The following GPC6 variants were observed in gnomAD, a reference collection of about 807,000 sequenced individuals.
GPC6 encodes glypican 6.
GPC6 carries 14 observed loss-of-function variants against 55.2 expected under a neutral mutation model. The observed-to-expected ratio is 0.25, with a 90% CI of 0.17 to 0.40. The LOEUF (loss-of-function observed/expected upper bound fraction) is 0.40. Ranked by LOEUF, GPC6 falls within the 10% of genes least tolerant of loss-of-function variation. The pLI is 1.00. For synonymous variants in GPC6, 278 were observed against 259.6 expected, an observed-to-expected ratio of 1.07 and a Z score of -0.68; for missense variants, 641 against 708.5, an observed-to-expected ratio of 0.90 and a Z score of 1.08.
At chr13:93,543,386 G>T (rs1270217339) in intron 1 of GPC6, among the ~76,000 whole-genome samples, 1 of 152,032 alleles carries the variant, frequency 6.6e-6, no homozygotes, top group Non-Finnish European at 1.5e-5. Context: ...ACTTGATCAT[G>T]GTGGATAAGC....
intron 3 of GPC6, among the ~76,000 whole-genome samples, chr13:93,853,168 G>A (rs1888470030): frequency 6.6e-6 from 1 of 151,420 alleles, no homozygotes; most frequent in Admixed American, 6.6e-5. Flanking sequence ...TAAATGGTGG[G>A]GATAATTTTA....
intron 4 of GPC6, among the ~76,000 whole-genome samples, chr13:94,203,128 T>C (rs1180327949): frequency 1.5e-5 from 2 of 130,918 alleles, no homozygotes. Flanking sequence ...TTATAGTGAG[T>C]CTTATATTTA....
chr13:94,350,059 C>CATAT (rs774339689), intron 6 of GPC6, among the ~76,000 whole-genome samples: 1 of 139,254 alleles, frequency 7.2e-6, no homozygotes, highest in African/African-American at 2.8e-5. Context: ...TATATATATA[C>CATAT]ATATATATAT....
intron 6 of GPC6, among the ~76,000 whole-genome samples, chr13:94,360,341 T>TTGAG (rs2139179697): frequency 6.6e-6 from 1 of 152,244 alleles, no homozygotes. Context: ...TGATAGATGA[T>TTGAG]TGATTGATTG....
chr13:94,255,274 C>A (rs1214186025), intron 4 of GPC6, among the ~76,000 whole-genome samples: 1 of 152,080 alleles, frequency 6.6e-6, no homozygotes, highest in East Asian at 1.9e-4. Flanking sequence ...GTGATCAAAC[C>A]AAATCATGCA....
intron 6 of GPC6, among the ~76,000 whole-genome samples, chr13:94,314,182 T>C (rs1387489908): frequency 6.6e-6 from 1 of 152,200 alleles, no homozygotes; most frequent in African/African-American, 2.4e-5. Context: ...GTACATAGTA[T>C]AGAGGCTCAT....
intron 2 of GPC6, among the ~76,000 whole-genome samples, chr13:93,814,675 A>G (rs967584137): frequency 2.0e-5 from 3 of 152,232 alleles, no homozygotes; most frequent in Admixed American, 6.5e-5. Context: ...TGATCTGTCA[A>G]GTGACCCATG....
At chr13:93,239,521 T>C (rs941532977) in intron 1 of GPC6, among the ~76,000 whole-genome samples, 1 of 151,928 alleles carries the variant, frequency 6.6e-6, no homozygotes, top group Non-Finnish European at 1.5e-5. Context: ...ATTTGAATCT[T>C]CTCTATTGTT....
chr13:93,687,223 C>T (rs527636148), intron 2 of GPC6, among the ~76,000 whole-genome samples: 1 of 151,944 alleles, frequency 6.6e-6, no homozygotes, highest in Non-Finnish European at 1.5e-5. Context: ...TGTTTTCTTA[C>T]AGAATTATAA....
intron 1 of GPC6, among the ~76,000 whole-genome samples, chr13:93,330,620 T>C (rs1879810598): frequency 6.6e-6 from 1 of 152,116 alleles, no homozygotes; most frequent in Admixed American, 6.5e-5. Context: ...AAGACATACT[T>C]GGTCTTATTT....
chr13:94,209,542 C>G (rs901865773), intron 4 of GPC6, among the ~76,000 whole-genome samples: 2 of 152,062 alleles, frequency 1.3e-5, no homozygotes, highest in African/African-American at 4.8e-5. Context: ...AAAAAAATAG[C>G]TTGATAAGAA....
chr13:94,234,495 G>A (rs183204269), intron 4 of GPC6, among the ~76,000 whole-genome samples: 146 of 124,528 alleles, frequency 1.2e-3, no homozygotes, highest in Admixed American at 1.4e-3. Context: ...AAAGGAGGCC[G>A]TTCTTTTGTT....
chr13:93,436,790 G>A (rs1006795203), intron 1 of GPC6, among the ~76,000 whole-genome samples: 3 of 152,086 alleles, frequency 2.0e-5, no homozygotes, highest in African/African-American at 7.2e-5. Context: ...TAGACAGGGA[G>A]ACTTACAGCT....
chr13:94,214,752 G>A (rs1260684035), intron 4 of GPC6, among the ~76,000 whole-genome samples: 1 of 152,130 alleles, frequency 6.6e-6, no homozygotes, highest in East Asian at 1.9e-4. Context: ...AGAACAAAGG[G>A]CATCAGTGTG....
At chr13:94,254,715 T>A (rs1891453903) in intron 4 of GPC6, among the ~76,000 whole-genome samples, 1 of 152,096 alleles carries the variant, frequency 6.6e-6, no homozygotes, top group African/African-American at 2.4e-5. Context: ...CAAAAAAATC[T>A]CTTTTTTGGC....
At chr13:94,026,462 A>G (rs1026161374) in intron 3 of GPC6, among the ~76,000 whole-genome samples, 1 of 151,962 alleles carries the variant, frequency 6.6e-6, no homozygotes, top group Non-Finnish European at 1.5e-5. Context: ...GATACAAATT[A>G]GATTTTTTTC....
At chr13:93,495,378 C>T (rs1198515197) in intron 1 of GPC6, among the ~76,000 whole-genome samples, 5 of 140,720 alleles carry the variant, frequency 3.6e-5, no homozygotes, top group Non-Finnish European at 7.7e-5. Flanking sequence ...GCTCCATCAG[C>T]TCCTTTAAGC....
chr13:93,219,126 C>T, the GPC6 span, among the ~76,000 whole-genome samples: 1 of 148,454 alleles, frequency 6.7e-6, no homozygotes, highest in African/African-American at 2.5e-5. Context: ...CAGAGTCTCA[C>T]TCTGTCACCC....
At chr13:93,549,257 A>G (rs1019914968) in intron 2 of GPC6, among the ~76,000 whole-genome samples, 58 of 152,176 alleles carry the variant, frequency 3.8e-4, no homozygotes, top group Non-Finnish European at 7.4e-5. Context: ...ACAAAAGCAT[A>G]TTAAAACGTA....
Sources: allele counts gnomAD v4.1 joint callset (sites outside exome capture counted in the v4.1 genomes callset), GRCh38; gene constraint gnomAD v4.1.1; transcripts MANE v1.5; gene names NCBI Gene and HGNC (gene_info 2026-07-23, HGNC 2026-07-21).